Variants in CENPI observed in about 807,000 individuals in gnomAD.
CENPI encodes FSH primary response 1.
Under a neutral mutation model 60.4 loss-of-function variants are expected in CENPI, and 4 were observed. The ratio of observed to expected loss-of-function variants is 0.07; its 90% CI spans 0.03 to 0.15. CENPI has a LOEUF of 0.15. Among genes scored for constraint, CENPI ranks in the 10% least tolerant of loss-of-function variants. The pLI is 1.00. For missense variants in CENPI, 444 were observed against 534.5 expected (o/e 0.83, Z 1.67); for synonymous variants, 157 against 189.4 (o/e 0.83, Z 1.40).
intron 12 of CENPI, among the ~76,000 whole-genome samples, chrX:101,129,517 G>C (rs1263040582): frequency 1.0e-5 from 1 of 99,054 alleles, no homozygotes; most frequent in Non-Finnish European, 2.0e-5. Context: ...GTTGCTTTTA[G>C]TTGGTTCCAG....
chrX:101,103,343 GTTTA>G (rs1438981237), intron 4 of CENPI, among the ~76,000 whole-genome samples: 1 of 109,336 alleles, frequency 9.1e-6, no homozygotes, highest in African/African-American at 3.3e-5. Flanking sequence ...TTTAGACTTT[GTTTA>G]TTTATTTTTT....
At chrX:101,130,121 T>C in intron 13 of CENPI, 48 bp downstream of exon 13, 1 of 919,208 alleles carries the variant, frequency 1.1e-6, no homozygotes, top group Non-Finnish European at 1.6e-6. Context: ...TTTACTAAAA[T>C]TTATTTAGAT....
chrX:101,150,801 T>G, intron 20 of CENPI, among the ~76,000 whole-genome samples: 1 of 111,371 alleles, frequency 9.0e-6, no homozygotes, highest in Middle Eastern at 4.6e-3. Flanking sequence ...CCATTTCTAT[T>G]GCTTTTTGTT....
intron 13 of CENPI, 141 bp downstream of exon 13, chrX:101,130,214 A>ATG: frequency 2.5e-6 from 1 of 405,632 alleles, no homozygotes; most frequent in Non-Finnish European, 4.4e-6. Flanking sequence ...CGGGTGGATC[A>ATG]CTTGAGCCCA....
downstream of CENPI, among the ~76,000 whole-genome samples, chrX:101,169,133 G>C (rs2148276328): frequency 8.9e-6 from 1 of 112,108 alleles, no homozygotes; most frequent in African/African-American, 3.2e-5. Flanking sequence ...TCTGGACTTG[G>C]AAAAAAGTGA....
At chrX:101,139,257 G>C (rs1156239173) in intron 15 of CENPI, among the ~76,000 whole-genome samples, 1 of 101,863 alleles carries the variant, frequency 9.8e-6, no homozygotes, top group Non-Finnish European at 2.0e-5. Context: ...ACCACGCCTG[G>C]CTAATTTTTG....
At chrX:101,122,520 A>T (rs2089689716) in intron 8 of CENPI, among the ~76,000 whole-genome samples, 1 of 111,927 alleles carries the variant, frequency 8.9e-6, no homozygotes, top group South Asian at 3.7e-4. Flanking sequence ...TTATGAAAAA[A>T]ATGTACCTTT....
At chrX:101,158,676 G>A (rs775713324) in intron 20 of CENPI, among the ~76,000 whole-genome samples, 1 of 106,623 alleles carries the variant, frequency 9.4e-6, no homozygotes, top group South Asian at 4.4e-4. Context: ...TGGCACCCAT[G>A]CTGGAGTGCA....
the CENPI span, among the ~76,000 whole-genome samples, chrX:101,173,082 C>G: frequency 2.3e-5 from 2 of 88,148 alleles, no homozygotes; most frequent in South Asian, 6.0e-4. Flanking sequence ...GTGGTGCGAT[C>G]TCGGCTCACT....
Position 101,163,654 on chromosome X carries a change from TAAAC to T in CENPI, c.*688_*691del, listed in dbSNP as rs933849776. ...TCAGTTTTTAAGTGTAAGGACTAAA[TAAAC>T]TAACTGAAATTTTACTTTCAGAAGG... is the stretch of plus-strand genomic sequence containing the variant. On this transcript the variant is annotated 3_prime_UTR_variant, in exon 22 of 22. Transcript: ENST00000682095. The T allele has an allele frequency of 1.8e-5, 2 of 112,557 alleles. No individual in the cohort carries two copies. The highest frequency in any genetic ancestry group is 3.7e-5 in the Non-Finnish European group (2 of 53,348). 9.3% of individuals were successfully genotyped at this position (112,557 alleles called of 1,213,427 possible).
chrX:101,110,337 C>T (rs1449930967), intron 6 of CENPI, among the ~76,000 whole-genome samples: 1 of 111,892 alleles, frequency 8.9e-6, no homozygotes, highest in Non-Finnish European at 1.9e-5. Context: ...GCCATCTTTT[C>T]CCTTTTAAAC....
At chrX:101,127,401 A>G in intron 10 of CENPI, 97 bp from the exon 11 acceptor site, 1 of 956,842 alleles carries the variant, frequency 1.0e-6, no homozygotes, top group Non-Finnish European at 1.4e-6. Flanking sequence ...AGCCATATTC[A>G]GATTCCTTTA....
the CENPI span, among the ~76,000 whole-genome samples, chrX:101,173,717 G>T: frequency 9.1e-6 from 1 of 109,923 alleles, no homozygotes; most frequent in African/African-American, 3.3e-5. Flanking sequence ...ATAAATTACT[G>T]AAAACACAAC....
At chrX:101,142,345 T>C (rs1331499660) in intron 16 of CENPI, among the ~76,000 whole-genome samples, 1 of 111,953 alleles carries the variant, frequency 8.9e-6, no homozygotes, top group Non-Finnish European at 1.9e-5. Context: ...TGGTGATACA[T>C]GTGGATAATT....
chrX:101,151,857 A>G (rs906735729), intron 20 of CENPI, among the ~76,000 whole-genome samples: 14 of 107,864 alleles, frequency 1.3e-4, no homozygotes, highest in Non-Finnish European at 2.7e-4. Context: ...AAAAAAAAAA[A>G]CAAGAACAAC....
chrX:101,155,633 A>G (rs1204219847), intron 20 of CENPI, among the ~76,000 whole-genome samples: 2 of 112,373 alleles, frequency 1.8e-5, no homozygotes, highest in Non-Finnish European at 3.7e-5. Context: ...CCAACCTTGC[A>G]TTCTTAGAAT....
intron 16 of CENPI, among the ~76,000 whole-genome samples, chrX:101,141,888 C>T (rs1260741277): frequency 1.8e-5 from 2 of 110,556 alleles, no homozygotes; most frequent in African/African-American, 6.6e-5. Context: ...TGCACCACCA[C>T]GCTTGGCTAA....
At chrX:101,123,682 G>A (rs1206016699) in intron 8 of CENPI, among the ~76,000 whole-genome samples, 2 of 110,209 alleles carry the variant, frequency 1.8e-5, no homozygotes, top group Admixed American at 1.9e-4. Flanking sequence ...TGAATTCCTG[G>A]GCTCAAGCGA....
intron 15 of CENPI, among the ~76,000 whole-genome samples, chrX:101,138,406 C>T (rs1351378181): frequency 4.6e-5 from 5 of 108,060 alleles, no homozygotes; most frequent in Non-Finnish European, 9.6e-5. Flanking sequence ...GGCGTGATCT[C>T]GGCTCACTGC....
Sources: allele counts gnomAD v4.1 joint callset (sites outside exome capture counted in the v4.1 genomes callset), GRCh38; gene constraint gnomAD v4.1.1; transcripts MANE v1.5; gene names NCBI Gene and HGNC (gene_info 2026-07-23, HGNC 2026-07-21).